Variants in EML1 observed in about 807,000 individuals in gnomAD.
EML1 encodes EMAP like 1, also known as echinoderm microtubule-associated protein-like 1.
Under a neutral mutation model 110.4 loss-of-function variants are expected in EML1, and 27 were observed. The observed-to-expected ratio is 0.24, with a 90% confidence interval of 0.18 to 0.34. EML1 has a LOEUF of 0.34. Among genes scored for constraint, EML1 ranks in the 10% least tolerant of loss-of-function variants. EML1 has a pLI of 1.00. For missense variants in EML1, 741 were observed against 1,030.9 expected (o/e 0.72, Z 3.85); for synonymous variants, 344 against 385.8 (o/e 0.89, Z 1.27).
chr14:99,925,779 G>C (rs1426887826), intron 17 of EML1, among the ~76,000 whole-genome samples: 1 of 152,142 alleles, frequency 6.6e-6, no homozygotes, highest in Non-Finnish European at 1.5e-5. Flanking sequence ...TGTCTGAATA[G>C]GCAGGATCCT....
upstream of EML1, among the ~76,000 whole-genome samples, chr14:99,770,779 A>ATTTTTTTTTTTTGTTTTTTTTTTTTT (rs2057417716): frequency 1.1e-5 from 1 of 91,640 alleles, no homozygotes; most frequent in African/African-American, 4.5e-5. Context: ...GTTTCCGCTG[A>ATTTTTTTTTTTTGTTTTTTTTTTTTT]TTTTTTTTTT....
chr14:99,761,525 G>A (rs2057313717), intron 1 of EML1, among the ~76,000 whole-genome samples: 1 of 152,128 alleles, frequency 6.6e-6, no homozygotes, highest in Non-Finnish European at 1.5e-5. Flanking sequence ...CATGTGGGAG[G>A]CATGCTTACC....
At chr14:99,914,877 G>A (rs149486832) in intron 15 of EML1, 180 bp downstream of exon 15, 134 of 767,062 alleles carry the variant, frequency 1.7e-4, no homozygotes, top group East Asian at 8.2e-4. Context: ...ACATTGCCTC[G>A]TGGCCTCAGC....
At chr14:99,764,580 A>T (rs1272200173) in intron 1 of EML1, among the ~76,000 whole-genome samples, 2 of 152,246 alleles carry the variant, frequency 1.3e-5, no homozygotes, top group Non-Finnish European at 1.5e-5. Flanking sequence ...CTAGTGGAGC[A>T]TGCAGGTTGG....
At position 99,784,491 on chromosome 14, in the gene EML1, T is replaced by C. The variant is rs1429139600; in HGVS notation, c.-27+10478T>C. ...TGTAAATTCTTTTGATGGAGTCCAA[T>C]CATTAGGAATACTTTTGGGTAAATA... On this transcript the variant is annotated intron_variant, in intron 1 of 22. Transcript: ENST00000327921. The surrounding 1 kb of genome is among the most constrained non-coding windows in gnomAD (Gnocchi z 4.5). Among the ~76,000 whole-genome samples, 1 of 152,220 alleles carries C rather than the reference T, an allele frequency of 6.6e-6. No homozygotes were observed. The highest frequency in any genetic ancestry group is 1.9e-4 in the East Asian group (1 of 5,204).
At chr14:99,829,020 T>C (rs77229394) in intron 1 of EML1, among the ~76,000 whole-genome samples, 3,989 of 152,200 alleles carry the variant, frequency 0.026, 84 homozygotes, top group Non-Finnish European at 0.041. Context: ...AAACCAGTGT[T>C]GTTCAACTGT....
At chr14:99,771,130 C>G (rs117486348), upstream of EML1, among the ~76,000 whole-genome samples, 10,397 of 152,216 alleles carry the variant, frequency 0.068, 454 homozygotes, top group East Asian at 0.18. Context: ...CCACTAGATG[C>G]TGACTTTTGC....
chr14:99,874,652 T>G (rs1343346066), intron 3 of EML1, among the ~76,000 whole-genome samples: 1 of 152,174 alleles, frequency 6.6e-6, no homozygotes, highest in Non-Finnish European at 1.5e-5. Flanking sequence ...ATAAGAGCCC[T>G]TGGTTCTCAA....
intron 1 of EML1, among the ~76,000 whole-genome samples, chr14:99,825,696 G>A (rs74428411): frequency 0.011 from 1,705 of 152,234 alleles, 37 homozygotes; most frequent in African/African-American, 0.035. Flanking sequence ...CACACTAAGC[G>A]CTTACTAGGA....
intron 13 of EML1, among the ~76,000 whole-genome samples, chr14:99,913,670 C>T (rs2059983483): frequency 6.6e-6 from 1 of 152,000 alleles, no homozygotes; most frequent in Admixed American, 6.6e-5. Context: ...GGGTTTTGAT[C>T]ACTCACTCAA....
chr14:99,837,314 T>C (rs2139792216), intron 1 of EML1, among the ~76,000 whole-genome samples: 1 of 152,298 alleles, frequency 6.6e-6, no homozygotes, highest in Non-Finnish European at 1.5e-5. Flanking sequence ...ACCTCTTTTG[T>C]TTACCATCTT....
rs544894253 is a variant in EML1, at chr14:99,897,280, C to T, written c.813C>T (p.Asn271=). 11 of 1,609,536 alleles carry T rather than the reference C, an allele frequency of 6.8e-6. No individual in the cohort carries two copies. Among genetic ancestry groups the T allele is most frequent in the South Asian group, 4.4e-5 (4 of 90,252 alleles). Residue 271 remains asparagine (N), a synonymous_variant, in exon 7 of 22, where the codon AAC becomes AAT. Coordinates refer to ENST00000262233, the MANE Select transcript of EML1 (RefSeq NM_004434.3). ...TGCAGAGGCATTACGCTGGCCACAA[C>T]GATGACGTGAAGTGGTAAGTCCTGA... ...EQLQRHYAGH[N]DDVKCLAVHP...
intron 4 of EML1, among the ~76,000 whole-genome samples, chr14:99,879,987 T>C (rs1168129866): frequency 6.6e-6 from 1 of 152,210 alleles, no homozygotes; most frequent in Non-Finnish European, 1.5e-5. Flanking sequence ...TAAAATCCTA[T>C]GGCTTTGGTA....
intron 3 of EML1, among the ~76,000 whole-genome samples, chr14:99,874,273 T>G (rs964524961): frequency 2.0e-5 from 3 of 152,350 alleles, no homozygotes; most frequent in Admixed American, 2.0e-4. Flanking sequence ...CCATTTATTT[T>G]CATAACTTAC....
chr14:99,882,437 CA>C (rs2059400711), intron 4 of EML1, among the ~76,000 whole-genome samples: 1 of 152,116 alleles, frequency 6.6e-6, no homozygotes, highest in Admixed American at 6.6e-5. Flanking sequence ...ATAAGCAAGA[CA>C]CTGTTTCAGC....
At chr14:99,776,500 T>G (rs2057484299) in intron 1 of EML1, among the ~76,000 whole-genome samples, 1 of 146,558 alleles carries the variant, frequency 6.8e-6, no homozygotes, top group Non-Finnish European at 1.5e-5. Flanking sequence ...CGAGACTCCA[T>G]CTCAAAAAAA....
intron 1 of EML1, among the ~76,000 whole-genome samples, chr14:99,774,996 A>C (rs1218115838): frequency 6.6e-6 from 1 of 152,204 alleles, no homozygotes; most frequent in African/African-American, 2.4e-5. Flanking sequence ...GATCAGAAAA[A>C]AAGCTTTTCT....
In EML1 at chr14:99,761,516, A is replaced by G. The variant is rs549027927; in HGVS notation, c.28+23656A>G. On this transcript the variant is annotated intron_variant, in intron 1 of 10. Coordinates refer to the EML1 transcript ENST00000554479. Reference sequence around the variant, plus strand: ...AAAGTTGCCCAGGATTGGGGCGTACATGTGGGAGGCATGCTTACCAAATTT... The same window carrying G: ...AAAGTTGCCCAGGATTGGGGCGTACGTGTGGGAGGCATGCTTACCAAATTT... Among the ~76,000 whole-genome samples, 58 of 152,186 alleles carry G rather than the reference A, an allele frequency of 3.8e-4. 2 individuals carry two copies. In the Middle Eastern group the frequency reaches 0.027, roughly 71 times the overall value.
Position 99,936,333 on chromosome 14 carries a change from C to T in EML1, c.2094C>T (p.Tyr698=). The change falls in exon 19 of 22, where the codon TAC becomes TAT. Residue 698 remains tyrosine, a splice_region_variant and synonymous_variant. Transcript: ENST00000262233. This position sits in a 1 kb window ranked among gnomAD's most constrained non-coding sequence, Gnocchi z 5.5. ...VSNSGDYEIL[Y]WVPSACKQVV... ...ATTCCGGAGACTACGAAATCCTCTA[C>T]TGTGAGTACCACCCCGGGGTTGTAT... is the stretch of plus-strand genomic sequence containing the variant. 1.9e-6 allele frequency: 3 copies of T among 1,612,572 alleles called. No homozygotes were observed. Among genetic ancestry groups the T allele is most frequent in the Non-Finnish European group, 2.5e-6 (3 of 1,179,550 alleles).
Sources: gnomAD v4.1 joint callset for allele counts (sites outside exome capture counted in the v4.1 genomes callset) on GRCh38, gnomAD v4.1.1 for gene constraint, Gnocchi (gnomAD v3.1) non-coding constraint, MANE v1.5 for transcripts, NCBI Gene and HGNC (gene_info 2026-07-23, HGNC 2026-07-21) for gene names.